PDS5A: variants seen among roughly 807,000 people sequenced by gnomAD.
PDS5A encodes sister chromatid cohesion protein PDS5 homolog A.
A neutral mutation model predicts 167.1 loss-of-function variants in PDS5A; 42 were observed. The observed-to-expected ratio is 0.25, with a 90% CI of 0.20 to 0.33. PDS5A has a LOEUF of 0.33. Among genes scored for constraint, PDS5A ranks in the 10% least tolerant of loss-of-function variants. The pLI is 1.00. For missense variants in PDS5A, 1,033 were observed against 1,605.9 expected (o/e 0.64, Z 6.10); for synonymous variants, 553 against 554.6 (o/e 1.00, Z 0.04).
At chr4:39,923,819 T>C (rs1343887007) in intron 5 of PDS5A, among the ~76,000 whole-genome samples, 1 of 152,056 alleles carries the variant, frequency 6.6e-6, no homozygotes, top group African/African-American at 2.4e-5. Context: ...AATAAATTCC[T>C]CAAACTAAGA....
chr4:39,964,613 G>T (rs368008287), intron 2 of PDS5A, among the ~76,000 whole-genome samples: 16 of 152,292 alleles, frequency 1.1e-4, no homozygotes, highest in African/African-American at 3.4e-4. Flanking sequence ...AAGACAAGAG[G>T]ATCACTTGAA....
chr4:39,961,189 CT>C (rs1007013645), intron 2 of PDS5A, among the ~76,000 whole-genome samples: 21 of 152,188 alleles, frequency 1.4e-4, no homozygotes, highest in African/African-American at 4.8e-4. Context: ...GAATTGATCC[CT>C]GAAAAGTATA....
intron 31 of PDS5A, 122 bp from the exon 32 acceptor site, chr4:39,838,330 C>T (rs1196371098): frequency 1.4e-6 from 1 of 696,788 alleles, no homozygotes; most frequent in South Asian, 2.0e-5. Context: ...CAGTTAACTG[C>T]TTACATCACA....
intron 31 of PDS5A, among the ~76,000 whole-genome samples, chr4:39,840,996 T>C (rs1716953636): frequency 6.6e-6 from 1 of 151,260 alleles, no homozygotes; most frequent in Admixed American, 6.6e-5. Flanking sequence ...CCACAAGTGA[T>C]CCACCCATCT....
intron 18 of PDS5A, among the ~76,000 whole-genome samples, chr4:39,879,282 G>A (rs193156909): frequency 6.6e-6 from 1 of 152,146 alleles, no homozygotes; most frequent in East Asian, 1.9e-4. Context: ...TCGACAATCT[G>A]GAACCAACCT....
intron 26 of PDS5A, among the ~76,000 whole-genome samples, chr4:39,857,269 G>A (rs1045610141): frequency 9.9e-5 from 15 of 151,038 alleles, no homozygotes; most frequent in African/African-American, 3.4e-4. Flanking sequence ...GAAGAATGGC[G>A]TGAACCCGGG....
At chr4:39,955,467 G>A (rs576316209) in intron 2 of PDS5A, among the ~76,000 whole-genome samples, 5 of 152,022 alleles carry the variant, frequency 3.3e-5, no homozygotes, top group South Asian at 4.2e-4. Flanking sequence ...CCCAGGTGTC[G>A]TGGCGGATGC....
In PDS5A at chr4:39,896,344, CTT is replaced by C. The variant is rs1185559250; in HGVS notation, c.1770+2043_1770+2044del. 5.9e-3 allele frequency among the ~76,000 whole-genome samples: 738 copies of C among 124,894 alleles called. 6 individuals carry two copies. The highest frequency in any genetic ancestry group is 0.02 in the African/African-American group (678 of 34,244). The allele number at this position is 124,894 out of a possible 152,430, so 81.9% of individuals were successfully genotyped here. A position where few individuals can be genotyped will look rare whatever the true frequency, so the allele number is the denominator to read the frequency against. ...TACAGGTGTGAGCCAATGTACTGAT[CTT>C]TTTTTTTTTTTTTTTTAGCTTTTTG... On this transcript the variant is annotated intron_variant, in intron 16 of 32. Transcript: ENST00000303538.
Position 39,917,203 on chromosome 4 carries a change from AAAAACAAAAAG to A in PDS5A, c.736-26_736-16del, listed in dbSNP as rs1197344596. 1 of 1,512,118 alleles carries A rather than the reference AAAAACAAAAAG, an allele frequency of 6.6e-7. No individual in the cohort carries two copies. The allele number at this position is 1,512,118 out of a possible 1,614,324, so 93.7% of individuals were successfully genotyped here. A position where few individuals can be genotyped will look rare whatever the true frequency, so the allele number is the denominator to read the frequency against. On this transcript the variant is annotated splice_polypyrimidine_tract_variant and intron_variant, in intron 7 of 32. Transcript: ENST00000303538. ...TGATTGAAAAACTGTAAGAGATATT[AAAAACAAAAAG>A]AAAACATCCAGTTCATTTAAAAACA...
At position 39,928,013 on chromosome 4, in the gene PDS5A, A is replaced by G. The variant is rs1381356216; in HGVS notation, c.290T>C (p.Ile97Thr). 2 of 1,613,798 alleles carry G rather than the reference A, an allele frequency of 1.2e-6. No homozygotes were observed. The highest frequency in any genetic ancestry group is 1.6e-4 in the Middle Eastern group (1 of 6,084). ...AGCTTCTGGGGCATAGATACGAAAG[A>G]TATCAGCCAAACAACATGCTACAAG... ...RLLVACCLAD[I>T]FRIYAPEAPY... Residue 97 changes from isoleucine to threonine, a missense_variant, in exon 3 of 33, where the codon ATC (isoleucine) becomes ACC (threonine). Ile to Thr is a moderately conservative substitution (Grantham distance 89). Transcript: ENST00000303538.
intron 16 of PDS5A, 141 bp downstream of exon 16, chr4:39,898,248 A>C: frequency 7.6e-7 from 1 of 1,319,884 alleles, no homozygotes; most frequent in Non-Finnish European, 9.7e-7. Flanking sequence ...AATTAACTTG[A>C]CAATAGATAT....
chr4:39,973,503 A>G, intron 2 of PDS5A: 3 of 1,330,962 alleles, frequency 2.3e-6, no homozygotes, highest in Admixed American at 3.4e-5. Flanking sequence ...TTGATGATGA[A>G]CGTCTCCAGA....
intron 11 of PDS5A, 116 bp downstream of exon 11, chr4:39,908,277 ATT>A (rs781169410): frequency 1.4e-5 from 11 of 804,746 alleles, no homozygotes; most frequent in African/African-American, 6.9e-5. Flanking sequence ...GCTCTTTATC[ATT>A]GTTATTAATT....
intron 2 of PDS5A, among the ~76,000 whole-genome samples, chr4:39,948,142 C>T (rs1481427080): frequency 1.4e-5 from 2 of 142,980 alleles, no homozygotes; most frequent in South Asian, 2.2e-4. Flanking sequence ...GTCTCAGCTA[C>T]TTGAAAGACT....
chr4:39,907,876 G>A (rs1173524656), intron 11 of PDS5A, among the ~76,000 whole-genome samples: 2 of 152,120 alleles, frequency 1.3e-5, no homozygotes, highest in African/African-American at 4.8e-5. Context: ...GTGAGCCACC[G>A]CGCCCGGCAA....
chr4:39,825,210 C>A lies in PDS5A; in HGVS notation c.*275G>T. 1 of 349,272 alleles carries A rather than the reference C, an allele frequency of 2.9e-6. No individual in the cohort carries two copies. Among genetic ancestry groups the A allele is most frequent in the South Asian group, 1.3e-4 (1 of 7,634 alleles). 21.6% of individuals were successfully genotyped at this position (349,272 alleles called of 1,614,324 possible). The stretch of plus-strand genomic sequence containing the variant: ...CTGGAACCAAGTGTTAAGCAATTTG[C>A]TTAATTATTGACTTTTCGTAAGAAA... On this transcript the variant is annotated 3_prime_UTR_variant, in exon 33 of 33. Coordinates refer to ENST00000303538, the MANE Select transcript of PDS5A (RefSeq NM_001100399.2).
At chr4:39,882,726 G>A (rs896842405) in intron 17 of PDS5A, among the ~76,000 whole-genome samples, 1 of 152,114 alleles carries the variant, frequency 6.6e-6, no homozygotes, top group African/African-American at 2.4e-5. Flanking sequence ...TATGCGTCAA[G>A]GAGCTATAAG....
chr4:39,841,897 A>C (rs1414729400), intron 31 of PDS5A, 51 bp downstream of exon 31: 10 of 979,340 alleles, frequency 1.0e-5, no homozygotes, highest in Non-Finnish European at 1.6e-5. Context: ...CTACGGAAAA[A>C]CTGTAATAAT....
At chr4:39,935,574 A>G (rs1726517861) in intron 2 of PDS5A, among the ~76,000 whole-genome samples, 1 of 152,128 alleles carries the variant, frequency 6.6e-6, no homozygotes, top group African/African-American at 2.4e-5. Flanking sequence ...ATCTTTGTTG[A>G]AAAAAACTGC....
Sources: gnomAD v4.1 joint callset for allele counts (sites outside exome capture counted in the v4.1 genomes callset) on GRCh38, gnomAD v4.1.1 for gene constraint, MANE v1.5 for transcripts, NCBI Gene and HGNC (gene_info 2026-07-23, HGNC 2026-07-21) for gene names.